SYCP2L: variants seen among roughly 807,000 people sequenced by gnomAD.
SYCP2L encodes synaptonemal complex protein 2-like.
SYCP2L carries 98 observed loss-of-function variants against 125.8 expected under a neutral mutation model. That is an observed-to-expected ratio of 0.78 (90% CI 0.66 to 0.92). SYCP2L has a LOEUF of 0.92. Among genes scored for constraint, SYCP2L ranks in the 40% least tolerant of loss-of-function variants. The pLI is 0.00. For missense variants in SYCP2L, 842 were observed against 936.4 expected (o/e 0.90, Z 1.32); for synonymous variants, 317 against 325.4 (o/e 0.97, Z 0.28).
At chr6:10,897,324 C>G (rs1322038692) in intron 4 of SYCP2L, among the ~76,000 whole-genome samples, 1 of 151,886 alleles carries the variant, frequency 6.6e-6, no homozygotes, top group Non-Finnish European at 1.5e-5. Flanking sequence ...TTTCCAAATT[C>G]TGTGTCTTCT....
At chr6:10,950,002 G>A (rs16870837) in intron 23 of SYCP2L, among the ~76,000 whole-genome samples, 4,109 of 151,376 alleles carry the variant, frequency 0.027, 151 homozygotes, top group East Asian at 0.2. Flanking sequence ...GGAAGTTTTC[G>A]TCCCCTATTT....
intron 23 of SYCP2L, among the ~76,000 whole-genome samples, chr6:10,944,814 A>T (rs1351250460): frequency 6.6e-6 from 1 of 152,138 alleles, no homozygotes; most frequent in Non-Finnish European, 1.5e-5. Flanking sequence ...TCCCAGGTTC[A>T]AGCGATTCTC....
intron 26 of SYCP2L, 84 bp from the exon 27 acceptor site, chr6:10,961,205 GAAGAGTCTGAAGTATC>G: frequency 1.1e-6 from 1 of 900,226 alleles, no homozygotes. Context: ...AATGTCTGGA[GAAGAGTCTGAAGTATC>G]CTTGTAATCA....
rs762790615 is a variant in SYCP2L at position 10,961,344 on chromosome 6, A to G, written c.2295A>G (p.Gln765=). ...KLERFQNLVL[Q]ELSSLKQDIQ... ...AGCGCTTTCAAAATTTGGTTCTTCA[A>G]GAGTTGAGCAGTCTTAAGCAGGATA... The change falls in exon 27 of 30, where the codon CAA becomes CAG. Residue 765 remains glutamine (Q), a synonymous_variant. Coordinates refer to ENST00000283141, the MANE Select transcript of SYCP2L (RefSeq NM_001040274.3). 3 of 1,614,166 alleles carry G rather than the reference A, an allele frequency of 1.9e-6. No individual in the cohort carries two copies. The highest frequency in any genetic ancestry group is 2.5e-6 in the Non-Finnish European group (3 of 1,180,022).
intron 14 of SYCP2L, among the ~76,000 whole-genome samples, chr6:10,919,174 G>A (rs1561687274): frequency 6.6e-6 from 1 of 152,112 alleles, no homozygotes; most frequent in African/African-American, 2.4e-5. Flanking sequence ...ACTAGAGTTG[G>A]TTTTCTGGTT....
intron 14 of SYCP2L, among the ~76,000 whole-genome samples, chr6:10,916,089 T>C (rs1780688323): frequency 6.6e-6 from 1 of 152,154 alleles, no homozygotes; most frequent in Non-Finnish European, 1.5e-5. Context: ...CTCTTCTAGG[T>C]TTTCTAGTTT....
At chr6:10,933,043 C>T (rs1184344388) in intron 20 of SYCP2L, among the ~76,000 whole-genome samples, 1 of 152,214 alleles carries the variant, frequency 6.6e-6, no homozygotes, top group South Asian at 2.1e-4. Flanking sequence ...CGTGAGCCAC[C>T]GTGCCTTGCC....
intron 20 of SYCP2L, among the ~76,000 whole-genome samples, chr6:10,931,881 C>T (rs1781002576): frequency 1.3e-5 from 2 of 148,860 alleles, no homozygotes; most frequent in African/African-American, 5.0e-5. Flanking sequence ...GGGAGGATGG[C>T]TTTAGCCTAG....
chr6:10,912,519 T>A lies in SYCP2L; in HGVS notation c.919-154T>A, dbSNP rs1780627752. Among the ~76,000 whole-genome samples, 1 of 152,166 alleles carries A rather than the reference T, an allele frequency of 6.6e-6. No individual in the cohort carries two copies. Among genetic ancestry groups the A allele is most frequent in the Non-Finnish European group, 1.5e-5 (1 of 68,018 alleles). On this transcript the variant is annotated intron_variant, in intron 12 of 29. Coordinates refer to ENST00000283141, the MANE Select transcript of SYCP2L (RefSeq NM_001040274.3). The surrounding 1 kb of genome is among the most constrained non-coding windows in gnomAD (Gnocchi z 4.1). ...TTCTATAAAATTGAGATCCTTCTGTTTTGCACAAAAGAGTCAGTCAATAGA... is the reference window on the plus strand; with the variant it reads ...TTCTATAAAATTGAGATCCTTCTGTATTGCACAAAAGAGTCAGTCAATAGA...
At chr6:10,936,450 A>T (rs1781096761) in intron 21 of SYCP2L, among the ~76,000 whole-genome samples, 1 of 152,056 alleles carries the variant, frequency 6.6e-6, no homozygotes, top group Admixed American at 6.6e-5. Flanking sequence ...GAGCCACTGC[A>T]CTCCAGCCTG....
Position 10,958,794 on chromosome 6 carries a change from G to C in SYCP2L, c.2174G>C (p.Arg725Thr). 1.2e-6 allele frequency: 2 copies of C among 1,613,218 alleles called. No homozygotes were observed. The highest frequency in any genetic ancestry group is 1.7e-6 in the Non-Finnish European group (2 of 1,179,730). Reference sequence around the variant, plus strand: ...GTTGTTATGATTTAGCTTAGGTACAGAAAGCGTCCGTTTAATTCAGAAAAT... The same window carrying C: ...GTTGTTATGATTTAGCTTAGGTACACAAAGCGTCCGTTTAATTCAGAAAAT... ...KRKRKYELRY[R>T]KRPFNSENAK... The change falls in exon 26 of 30, where the codon AGA (arginine) becomes ACA (threonine). Residue 725 changes from arginine to threonine, a missense_variant. By Grantham distance (71) the Arg-to-Thr change is moderately conservative (BLOSUM62 -1). Transcript: ENST00000283141.
chr6:10,900,788 G>T (rs564017455), intron 6 of SYCP2L, among the ~76,000 whole-genome samples: 2 of 152,138 alleles, frequency 1.3e-5, no homozygotes, highest in Non-Finnish European at 2.9e-5. Context: ...TGAATTTCGG[G>T]GGGGGACACA....
intron 29 of SYCP2L, among the ~76,000 whole-genome samples, chr6:10,969,358 CT>C (rs534262433): frequency 0.36 from 37,390 of 104,888 alleles, 4,922 homozygotes; most frequent in East Asian, 0.56. Context: ...AGGAAATTAT[CT>C]TTTTTTTTTT....
chr6:10,898,105 A>T lies in SYCP2L; in HGVS notation c.431A>T (p.Asp144Val), dbSNP rs1342942928. 6.2e-7 allele frequency: 1 copy of T among 1,612,888 alleles called. No individual in the cohort carries two copies. Among genetic ancestry groups the T allele is most frequent in the Non-Finnish European group, 8.5e-7 (1 of 1,178,984 alleles). ...ATTTGTGTTATAGAAGATTTCTTTG[A>T]CACTGCATTGGTAAGGATGGGATGG... Reference protein sequence around the residue: ...SLICVIEDFFDTALIISRSSS... With the variant: ...SLICVIEDFFVTALIISRSSS... The change falls in exon 5 of 30, where the codon GAC becomes GTC. Residue 144 changes from aspartate to valine, a missense_variant. Asp to Val is a radical substitution (Grantham distance 152). Coordinates refer to ENST00000283141, the MANE Select transcript of SYCP2L (RefSeq NM_001040274.3).
intron 1 of SYCP2L, among the ~76,000 whole-genome samples, chr6:10,890,607 G>A (rs188686539): frequency 1.8e-3 from 276 of 152,226 alleles, no homozygotes; most frequent in African/African-American, 6.4e-3. Flanking sequence ...CTTGTTGGAT[G>A]CATAGTTTGC....
intron 4 of SYCP2L, 79 bp downstream of exon 4, chr6:10,894,283 G>C: frequency 6.6e-7 from 1 of 1,504,658 alleles, no homozygotes; most frequent in East Asian, 2.3e-5. Flanking sequence ...AGTTAAGTTT[G>C]GTATTTTCTG....
chr6:10,897,844 C>T (rs1780284785), intron 4 of SYCP2L, among the ~76,000 whole-genome samples, 167 bp from the exon 5 acceptor site: 1 of 152,140 alleles, frequency 6.6e-6, no homozygotes, highest in Non-Finnish European at 1.5e-5. Context: ...TGGCACCATC[C>T]TGAAGTGTTC....
At position 10,935,075 on chromosome 6, in the gene SYCP2L, A is replaced by G. The variant is rs749526287; in HGVS notation, c.1701A>G (p.Pro567=). 40 of 1,610,084 alleles carry G rather than the reference A, an allele frequency of 2.5e-5. No homozygotes were observed. The highest frequency in any genetic ancestry group is 3.3e-5 in the Non-Finnish European group (39 of 1,178,538). Reference sequence around the variant, plus strand: ...TATTTTAGGCTAAGCTTCTATCACCATCAGAGAAAGAAATACCCGAGCAAA... The same window carrying G: ...TATTTTAGGCTAAGCTTCTATCACCGTCAGAGAAAGAAATACCCGAGCAAA... ...HEKDQAKLLS[P]SEKEIPEQNN... is the part of the protein sequence containing the mutation. Residue 567 remains proline, a synonymous_variant, in exon 21 of 30, where the codon CCA becomes CCG. Transcript: ENST00000283141.
chr6:10,902,095 G>A (rs1780386285), intron 6 of SYCP2L, among the ~76,000 whole-genome samples: 1 of 152,224 alleles, frequency 6.6e-6, no homozygotes, highest in Non-Finnish European at 1.5e-5. Flanking sequence ...CCTCTGCCTA[G>A]TTTAAGCCAG....
Sources: gnomAD v4.1 joint callset for allele counts (sites outside exome capture counted in the v4.1 genomes callset) on GRCh38, gnomAD v4.1.1 for gene constraint, Gnocchi (gnomAD v3.1) non-coding constraint, MANE v1.5 for transcripts, NCBI Gene and HGNC (gene_info 2026-07-23, HGNC 2026-07-21) for gene names.